Variants in HYDIN observed in about 807,000 individuals in gnomAD.
HYDIN encodes the protein axonemal central pair apparatus protein HYDIN.
A neutral mutation model predicts 403.9 loss-of-function variants in HYDIN; 132 were observed. The observed-to-expected ratio is 0.33, with a 90% CI of 0.28 to 0.38. HYDIN has a LOEUF of 0.38. HYDIN is among the 10% of genes least tolerant of loss of function. The pLI, the probability that HYDIN is intolerant of heterozygous loss-of-function variation, is 1.00. For missense variants in HYDIN, 2,827 were observed against 5,009.5 expected, an observed-to-expected ratio of 0.56 and a Z score of 13.15; for synonymous variants, 1,202 against 1,891.7, an observed-to-expected ratio of 0.64 and a Z score of 9.46.
chr16:71,187,456 A>C (rs2087213455), intron 1 of HYDIN, among the ~76,000 whole-genome samples: 1 of 152,152 alleles, frequency 6.6e-6, no homozygotes, highest in Non-Finnish European at 1.5e-5. Context: ...TGAATCAAAG[A>C]AATATGGCAT....
Position 70,964,865 on chromosome 16 carries a change from T to G in HYDIN, c.5651A>C (p.Tyr1884Ser), listed in dbSNP as rs1279519078. The change falls in exon 37 of 86, where the codon TAC becomes TCC. Residue 1884 changes from tyrosine to serine, a missense_variant. Physicochemically the swap from Tyr to Ser is moderately radical, Grantham distance 144. Transcript: ENST00000393567. Reference protein sequence around the residue: ...ILRKLKGYDSYNTLLLPPRNP... With the variant: ...ILRKLKGYDSSNTLLLPPRNP... ...GCGGGGAGGCAGCAGCAGGGTGTTG[T>G]AGGAATCATAGCCCTTCAGCTTCCG... 7 of 1,613,448 alleles carry G rather than the reference T, an allele frequency of 4.3e-6. No individual in the cohort carries two copies. In the African/African-American group the frequency reaches 9.3e-5, roughly 22 times the overall value.
intron 23 of HYDIN, among the ~76,000 whole-genome samples, chr16:71,010,301 C>A (rs189907477): frequency 6.6e-6 from 1 of 152,140 alleles, no homozygotes; most frequent in Non-Finnish European, 1.5e-5. Context: ...GAGCTCACAG[C>A]GTTCTGAGAG....
intron 72 of HYDIN, among the ~76,000 whole-genome samples, chr16:70,856,568 T>C (rs1183617107): frequency 3.3e-5 from 5 of 149,662 alleles, no homozygotes; most frequent in African/African-American, 9.9e-5. Context: ...AGAGTTTTTG[T>C]TGGGAATGTC....
intron 1 of HYDIN, among the ~76,000 whole-genome samples, chr16:71,212,686 CAAGTT>C (rs1488047608): frequency 7.9e-5 from 12 of 151,922 alleles, no homozygotes; most frequent in Non-Finnish European, 8.8e-5. Context: ...AAAAAGTAAA[CAAGTT>C]AAGAAACATG....
At chr16:70,844,803 G>A (rs977438918) in intron 75 of HYDIN, among the ~76,000 whole-genome samples, 24 of 149,662 alleles carry the variant, frequency 1.6e-4, no homozygotes, top group African/African-American at 6.0e-4. Flanking sequence ...TCTCTTTGAA[G>A]CAATTGTGAA....
intron 1 of HYDIN, among the ~76,000 whole-genome samples, chr16:71,204,433 T>A (rs868031289): frequency 9.2e-5 from 14 of 152,352 alleles, no homozygotes; most frequent in African/African-American, 2.9e-4. Context: ...TGTGGCAATT[T>A]CCAGAAGCAA....
chr16:71,168,805 G>A (rs1233927172), intron 5 of HYDIN, among the ~76,000 whole-genome samples: 5 of 152,094 alleles, frequency 3.3e-5, no homozygotes, highest in African/African-American at 1.2e-4. Context: ...CTCATTGGCC[G>A]ACACTTACAT....
intron 1 of HYDIN, among the ~76,000 whole-genome samples, chr16:71,222,910 T>C (rs1452066205): frequency 6.6e-6 from 1 of 151,998 alleles, no homozygotes; most frequent in Non-Finnish European, 1.5e-5. Context: ...AAAATGACCA[T>C]ACTACCCAAA....
intron 10 of HYDIN, among the ~76,000 whole-genome samples, chr16:71,107,930 A>T (rs905749073): frequency 6.6e-6 from 1 of 152,206 alleles, no homozygotes; most frequent in Non-Finnish European, 1.5e-5. Context: ...AAGCCCATCA[A>T]TGGTAGACTG....
At chr16:70,808,535 T>G (rs952583943) in intron 85 of HYDIN, among the ~76,000 whole-genome samples, 27 of 152,122 alleles carry the variant, frequency 1.8e-4, no homozygotes, top group Non-Finnish European at 3.7e-4. Flanking sequence ...CTGGAAATAT[T>G]TGAGATGGTG....
rs201786756 is a variant in HYDIN at position 70,955,503 on chromosome 16, G to C, written c.6188C>G (p.Ala2063Gly). 17 of 1,584,944 alleles carry C rather than the reference G, an allele frequency of 1.1e-5. No individual in the cohort carries two copies. Among genetic ancestry groups the C allele is most frequent in the Non-Finnish European group, 1.5e-5 (17 of 1,157,804 alleles). ...AVSVAKYYNA[A>G]CLSIDSIVLE... is the part of the protein sequence containing the mutation. ...CACAATGGAGTCGATGCTCAGGCAGGCTGCGTTGTAGTACTTGGCCACGCT... is the reference window on the plus strand; with the variant it reads ...CACAATGGAGTCGATGCTCAGGCAGCCTGCGTTGTAGTACTTGGCCACGCT... Residue 2063 changes from alanine to glycine, a missense_variant, in exon 40 of 86, where the codon GCC becomes GGC. Physicochemically the swap from Ala to Gly is moderately conservative, Grantham distance 60. Transcript: ENST00000393567.
chr16:70,954,468 A>AAAAAG (rs2078167239), intron 40 of HYDIN, among the ~76,000 whole-genome samples: 1 of 149,636 alleles, frequency 6.7e-6, no homozygotes, highest in South Asian at 2.1e-4. Context: ...AAAAAAAAAA[A>AAAAAG]AAAGAAAGAA....
intron 75 of HYDIN, among the ~76,000 whole-genome samples, 156 bp downstream of exon 75, chr16:70,849,570 C>G (rs1205037538): frequency 6.6e-6 from 1 of 152,090 alleles, no homozygotes; most frequent in Non-Finnish European, 1.5e-5. Context: ...ATTGTTGAAG[C>G]CTTTGTACTA....
At chr16:70,896,478 G>A (rs1319499581) in intron 53 of HYDIN, among the ~76,000 whole-genome samples, 5 of 152,058 alleles carry the variant, frequency 3.3e-5, no homozygotes, top group African/African-American at 9.6e-5. Flanking sequence ...TCAGCCTCCC[G>A]AGTAGGTGGG....
chr16:70,942,214 AG>A (rs2077701421), intron 42 of HYDIN, among the ~76,000 whole-genome samples: 2 of 150,646 alleles, frequency 1.3e-5, no homozygotes, highest in Admixed American at 1.3e-4. Context: ...TAGTAGAGAC[AG>A]GGTTTCACCA....
At position 70,925,093 on chromosome 16, in the gene HYDIN, C is replaced by T. The variant is rs933440047; in HGVS notation, c.7159-3876G>A. 1.4e-4 allele frequency among the ~76,000 whole-genome samples: 21 copies of T among 152,082 alleles called. 1 individual carries two copies. The highest frequency in any genetic ancestry group is 4.8e-4 in the African/African-American group (20 of 41,432). On this transcript the variant is annotated intron_variant, in intron 45 of 85. Coordinates refer to ENST00000393567, the MANE Select transcript of HYDIN (RefSeq NM_001270974.2). The stretch of plus-strand genomic sequence containing the variant: ...GAGTCAAGGTTTCTAGTGCTCCTAG[C>T]CTAGCTGACTGCCAGCATCAAACAG...
intron 1 of HYDIN, among the ~76,000 whole-genome samples, chr16:71,205,180 G>A (rs2088228720): frequency 1.3e-5 from 2 of 152,218 alleles, no homozygotes; most frequent in Admixed American, 1.3e-4. Flanking sequence ...CACTCTCAGA[G>A]AGGGAACAAA....
At chr16:70,944,268 G>A (rs1254958122) in intron 41 of HYDIN, among the ~76,000 whole-genome samples, 4 of 152,316 alleles carry the variant, frequency 2.6e-5, no homozygotes, top group Non-Finnish European at 5.9e-5. Flanking sequence ...AAACAATGGC[G>A]CTGCCCCCAG....
chr16:70,897,865 A>C (rs963648478), intron 53 of HYDIN, among the ~76,000 whole-genome samples: 1 of 151,974 alleles, frequency 6.6e-6, no homozygotes, highest in Admixed American at 6.6e-5. Context: ...TGGTCACAAC[A>C]GTTGTGAAAA....
Sources: allele counts gnomAD v4.1 joint callset (sites outside exome capture counted in the v4.1 genomes callset), GRCh38; gene constraint gnomAD v4.1.1; transcripts MANE v1.5; gene names NCBI Gene and HGNC (gene_info 2026-07-23, HGNC 2026-07-21).